Variants in ARHGEF10L observed in about 807,000 individuals in gnomAD.
The protein encoded by ARHGEF10L is rho guanine nucleotide exchange factor 10-like protein.
In ARHGEF10L, 69 loss-of-function variants were observed where a neutral mutation model predicts 141.2. That is an observed-to-expected ratio of 0.49 (90% CI 0.40 to 0.60). The LOEUF (loss-of-function observed/expected upper bound fraction) is 0.60. Among genes scored for constraint, ARHGEF10L ranks in the 20% least tolerant of loss-of-function variants. The pLI, the probability that ARHGEF10L is intolerant of heterozygous loss-of-function variation, is 0.00. For missense variants in ARHGEF10L, 1,482 were observed against 1,734.3 expected, an observed-to-expected ratio of 0.85 and a Z score of 2.58; for synonymous variants, 711 against 718.5, an observed-to-expected ratio of 0.99 and a Z score of 0.17.
chr1:17,561,002 C>T (rs1232896276), intron 1 of ARHGEF10L, among the ~76,000 whole-genome samples: 1 of 152,226 alleles, frequency 6.6e-6, no homozygotes. Flanking sequence ...GGGTTTGAAT[C>T]TTGGGTCTTA....
intron 16 of ARHGEF10L, among the ~76,000 whole-genome samples, chr1:17,633,063 G>T (rs1390092605): frequency 2.6e-4 from 39 of 152,208 alleles, no homozygotes; most frequent in Admixed American, 2.5e-3. Flanking sequence ...AGGCTCCTGG[G>T]TATCTTATGT....
intron 1 of ARHGEF10L, among the ~76,000 whole-genome samples, chr1:17,553,783 T>C (rs1162317009): frequency 6.6e-6 from 1 of 152,178 alleles, no homozygotes; most frequent in African/African-American, 2.4e-5. Context: ...AGTGAGACCC[T>C]GTCTCTAAAA....
chr1:17,595,958 G>A (rs1266232784), intron 4 of ARHGEF10L, among the ~76,000 whole-genome samples: 1 of 152,148 alleles, frequency 6.6e-6, no homozygotes, highest in Non-Finnish European at 1.5e-5. Context: ...CTTCACCCTG[G>A]TCCACATTCA....
intron 27 of ARHGEF10L, among the ~76,000 whole-genome samples, chr1:17,690,420 A>G (rs1273327570): frequency 1.3e-5 from 2 of 152,240 alleles, no homozygotes; most frequent in Non-Finnish European, 2.9e-5. Context: ...GTCTCAAGCC[A>G]GCAGCGGTCC....
At chr1:17,631,037 C>T (rs2060653660) in intron 15 of ARHGEF10L, among the ~76,000 whole-genome samples, 2 of 146,508 alleles carry the variant, frequency 1.4e-5, no homozygotes, top group Admixed American at 1.4e-4. Flanking sequence ...CTATCTTTTT[C>T]TCTCTGGGGA....
intron 6 of ARHGEF10L, among the ~76,000 whole-genome samples, chr1:17,606,802 C>T (rs149507270): frequency 3.1e-3 from 477 of 152,308 alleles, no homozygotes; most frequent in Middle Eastern, 0.02. Flanking sequence ...CCCCCAGTGA[C>T]GGAGCTGGGG....
intron 26 of ARHGEF10L, among the ~76,000 whole-genome samples, chr1:17,672,106 C>T (rs907530593): frequency 6.6e-6 from 1 of 152,148 alleles, no homozygotes; most frequent in African/African-American, 2.4e-5. Context: ...CATACCGGCT[C>T]TCATGCTTTT....
rs200621211 is a variant in ARHGEF10L, at chr1:17,685,347, C to G, written c.3010-2226C>G. Among the ~76,000 whole-genome samples, 39 of 152,324 alleles carry G rather than the reference C, an allele frequency of 2.6e-4. No individual in the cohort carries two copies. In the East Asian group the frequency reaches 6.4e-3, roughly 25 times the overall value. ...TCTGGCCCTACCTGCTCTGGCCTGT[C>G]CCATTGCTGTGCCCCCCACCACGGG... is the stretch of plus-strand genomic sequence containing the variant. On this transcript the variant is annotated intron_variant, in intron 26 of 28. Transcript: ENST00000361221.
intron 3 of ARHGEF10L, among the ~76,000 whole-genome samples, chr1:17,588,005 C>T (rs1195390548): frequency 6.6e-6 from 1 of 152,192 alleles, no homozygotes; most frequent in Non-Finnish European, 1.5e-5. Context: ...TCCTGTCTGC[C>T]TTGGGGAGCT....
At chr1:17,635,341 T>C (rs2060936277) in intron 18 of ARHGEF10L, among the ~76,000 whole-genome samples, 1 of 152,132 alleles carries the variant, frequency 6.6e-6, no homozygotes, top group Admixed American at 6.5e-5. Context: ...TCCCTGTCCA[T>C]CCTCTGCCCA....
chr1:17,657,513 C>T (rs1374086191), intron 25 of ARHGEF10L, among the ~76,000 whole-genome samples: 2 of 152,180 alleles, frequency 1.3e-5, no homozygotes. Flanking sequence ...GAAGGGCCCG[C>T]AGCGTCTCTT....
chr1:17,545,459 G>C (rs1300003843), intron 1 of ARHGEF10L, among the ~76,000 whole-genome samples: 3 of 152,232 alleles, frequency 2.0e-5, no homozygotes, highest in Non-Finnish European at 4.4e-5. Flanking sequence ...ATTCCAGCAA[G>C]TGAGTTGTTA....
chr1:17,671,823 G>A (rs1304776828), intron 26 of ARHGEF10L, among the ~76,000 whole-genome samples: 1 of 152,192 alleles, frequency 6.6e-6, no homozygotes, highest in Non-Finnish European at 1.5e-5. Context: ...GGGCCTGGCT[G>A]GCTCCCATTG....
chr1:17,580,693 CGG>C, intron 2 of ARHGEF10L, 61 bp downstream of exon 2: 1 of 1,603,618 alleles, frequency 6.2e-7, no homozygotes, highest in Non-Finnish European at 8.5e-7. Flanking sequence ...CGCTGGGGGC[CGG>C]CGGAGGGCCT....
intron 5 of ARHGEF10L, among the ~76,000 whole-genome samples, chr1:17,602,863 T>TG (rs1169551932): frequency 6.8e-6 from 1 of 147,746 alleles, no homozygotes; most frequent in Non-Finnish European, 1.5e-5. Flanking sequence ...GGAGACCAGG[T>TG]GGGGAAGGGT....
chr1:17,665,862 G>A (rs2062947850), intron 26 of ARHGEF10L, among the ~76,000 whole-genome samples: 1 of 152,204 alleles, frequency 6.6e-6, no homozygotes, highest in African/African-American at 2.4e-5. Flanking sequence ...ACAGCAAGCT[G>A]GAGACCCAGG....
chr1:17,588,848 C>CTGTGTGTGTG (rs1490712975), intron 4 of ARHGEF10L, among the ~76,000 whole-genome samples: 2 of 56,842 alleles, frequency 3.5e-5, no homozygotes, highest in Non-Finnish European at 6.2e-5. Context: ...GGAGGGTCCC[C>CTGTGTGTGTG]AGTGTGTGTG....
rs1472662548 is a variant in ARHGEF10L at position 17,542,236 on chromosome 1, C to T, written c.-44+2286C>T. On this transcript the variant is annotated intron_variant, in intron 1 of 28. Transcript: ENST00000361221. The stretch of plus-strand genomic sequence containing the variant: ...GCCTCAGGTGGGAGGATCACTTGAG[C>T]GCAGGTGTTCGGGACCAGCCTGGGC... 3.9e-5 allele frequency among the ~76,000 whole-genome samples: 6 copies of T among 151,952 alleles called. No individual in the cohort carries two copies. The South Asian group carries it at 6.2e-4, about 16-fold the overall frequency.
intron 26 of ARHGEF10L, among the ~76,000 whole-genome samples, chr1:17,680,972 C>T (rs1436550980): frequency 6.6e-6 from 1 of 152,022 alleles, no homozygotes; most frequent in Non-Finnish European, 1.5e-5. Context: ...TTAGTAGAGA[C>T]ATGTTGGCCA....
Sources: allele counts gnomAD v4.1 joint callset (sites outside exome capture counted in the v4.1 genomes callset), GRCh38; gene constraint gnomAD v4.1.1; transcripts MANE v1.5; gene names NCBI Gene and HGNC (gene_info 2026-07-23, HGNC 2026-07-21).